The following MARCHF1 variants were observed in gnomAD, a reference collection of about 807,000 sequenced individuals.
MARCHF1 encodes the protein E3 ubiquitin-protein ligase MARCHF1.
Under a neutral mutation model 54.2 loss-of-function variants are expected in MARCHF1, and 40 were observed. That is an observed-to-expected ratio of 0.74 (90% CI 0.57 to 0.96). The LOEUF is 0.96. Among genes scored for constraint, MARCHF1 ranks in the 40% least tolerant of loss-of-function variants. The pLI, the probability that MARCHF1 is intolerant of heterozygous loss-of-function variation, is 0.00. For synonymous variants in MARCHF1, 236 were observed against 236.3 expected (o/e 1.00, Z 0.01); for missense variants, 586 against 656.5 (o/e 0.89, Z 1.17).
At chr4:164,350,744 T>C (rs1730268361) in intron 1 of MARCHF1, among the ~76,000 whole-genome samples, 1 of 152,246 alleles carries the variant, frequency 6.6e-6, no homozygotes, top group Non-Finnish European at 1.5e-5. Context: ...TTCAATAGTA[T>C]TGTTGGGAGG....
intron 1 of MARCHF1, among the ~76,000 whole-genome samples, chr4:164,223,888 C>G (rs764861019): frequency 1.3e-5 from 2 of 150,504 alleles, no homozygotes; most frequent in Admixed American, 6.7e-5. Context: ...TTCTAAAAAC[C>G]TATTTAAATT....
At chr4:163,641,964 C>T (rs1364138212) in intron 5 of MARCHF1, among the ~76,000 whole-genome samples, 8 of 152,044 alleles carry the variant, frequency 5.3e-5, no homozygotes, top group South Asian at 2.1e-4. Context: ...CCAGTGGAGA[C>T]GTTGTGTTAC....
intron 5 of MARCHF1, among the ~76,000 whole-genome samples, chr4:163,650,753 A>G (rs1200207545): frequency 6.6e-6 from 1 of 151,906 alleles, no homozygotes; most frequent in Non-Finnish European, 1.5e-5. Flanking sequence ...TAAGCTTACC[A>G]TGTGTATTCG....
intron 1 of MARCHF1, among the ~76,000 whole-genome samples, chr4:164,182,921 TAG>T (rs1192979292): frequency 6.6e-6 from 1 of 152,034 alleles, no homozygotes; most frequent in African/African-American, 2.4e-5. Flanking sequence ...TGTCAAATGA[TAG>T]AGTCTCAGAA....
intron 1 of MARCHF1, among the ~76,000 whole-genome samples, chr4:164,205,956 A>G (rs890359795): frequency 2.0e-5 from 3 of 152,312 alleles, no homozygotes; most frequent in East Asian, 1.9e-4. Context: ...ACCATTAATA[A>G]TAGGCTCAGC....
chr4:163,905,634 A>C (rs557253910), intron 3 of MARCHF1, among the ~76,000 whole-genome samples: 1 of 152,084 alleles, frequency 6.6e-6, no homozygotes, highest in Non-Finnish European at 1.5e-5. Flanking sequence ...ATTGCTCTGG[A>C]GGTCCTTTGA....
At chr4:164,269,932 C>T (rs971638077) in intron 1 of MARCHF1, among the ~76,000 whole-genome samples, 7 of 152,162 alleles carry the variant, frequency 4.6e-5, no homozygotes, top group Non-Finnish European at 7.4e-5. Context: ...CCCTCTGCTT[C>T]TGCCATGAGC....
intron 3 of MARCHF1, among the ~76,000 whole-genome samples, chr4:163,914,581 A>G (rs953814483): frequency 6.6e-6 from 1 of 152,176 alleles, no homozygotes; most frequent in Non-Finnish European, 1.5e-5. Flanking sequence ...TAAATATATC[A>G]GATGGCTAGT....
chr4:163,888,542 A>G (rs930750227), intron 3 of MARCHF1, among the ~76,000 whole-genome samples: 3 of 152,186 alleles, frequency 2.0e-5, no homozygotes, highest in African/African-American at 7.2e-5. Flanking sequence ...TCTTTAGCAA[A>G]AGAAAATACT....
At chr4:164,324,759 C>G (rs1434077134) in intron 1 of MARCHF1, among the ~76,000 whole-genome samples, 3 of 151,056 alleles carry the variant, frequency 2.0e-5, no homozygotes, top group Admixed American at 2.0e-4. Context: ...ATAAATTTAA[C>G]AAGAAAGTTT....
At chr4:164,242,630 ATGACTT>A in intron 1 of MARCHF1, among the ~76,000 whole-genome samples, 1 of 151,906 alleles carries the variant, frequency 6.6e-6, no homozygotes, top group East Asian at 1.9e-4. Context: ...TGGATGGAGA[ATGACTT>A]TGATGAGCTG....
At chr4:164,219,614 G>A (rs753899442) in intron 1 of MARCHF1, among the ~76,000 whole-genome samples, 2 of 151,740 alleles carry the variant, frequency 1.3e-5, no homozygotes, top group Non-Finnish European at 2.9e-5. Context: ...GTAGAAGAGT[G>A]TATCTAGTTA....
At chr4:164,338,556 T>C (rs1026183439) in intron 1 of MARCHF1, among the ~76,000 whole-genome samples, 1 of 151,892 alleles carries the variant, frequency 6.6e-6, no homozygotes, top group Non-Finnish European at 1.5e-5. Flanking sequence ...AAACATAAAG[T>C]GAAGCAATGA....
intron 1 of MARCHF1, among the ~76,000 whole-genome samples, chr4:164,150,060 G>C (rs1223717218): frequency 6.6e-6 from 1 of 152,082 alleles, no homozygotes; most frequent in Non-Finnish European, 1.5e-5. Context: ...TGATGGAACA[G>C]TTACTGCCAA....
At chr4:163,534,115 C>T (rs145261572) in intron 9 of MARCHF1, among the ~76,000 whole-genome samples, 330 of 152,026 alleles carry the variant, frequency 2.2e-3, no homozygotes, top group Admixed American at 4.5e-3. Flanking sequence ...TTTAGAGTGC[C>T]GCGCTCTTTA....
At chr4:163,993,991 T>C (rs1040889104) in intron 2 of MARCHF1, among the ~76,000 whole-genome samples, 1 of 152,144 alleles carries the variant, frequency 6.6e-6, no homozygotes, top group African/African-American at 2.4e-5. Flanking sequence ...TCAGTCTTAC[T>C]CTCCAAGTAA....
intron 5 of MARCHF1, among the ~76,000 whole-genome samples, chr4:163,628,403 T>A (rs1741948703): frequency 6.6e-6 from 1 of 151,420 alleles, no homozygotes; most frequent in South Asian, 2.1e-4. Flanking sequence ...TATCTCAAAA[T>A]AATAAGGGCT....
At chr4:163,639,093 A>G (rs1027900955) in intron 5 of MARCHF1, among the ~76,000 whole-genome samples, 1 of 152,170 alleles carries the variant, frequency 6.6e-6, no homozygotes, top group Non-Finnish European at 1.5e-5. Context: ...CAGGAGGAAA[A>G]GAGTGCTGGA....
chr4:163,577,857 G>T (rs1179303350), intron 8 of MARCHF1, among the ~76,000 whole-genome samples: 2 of 151,542 alleles, frequency 1.3e-5, no homozygotes, highest in African/African-American at 4.8e-5. Flanking sequence ...TCTTTCTTCT[G>T]CTTGGTTATT....
Sources: allele counts gnomAD v4.1 joint callset (sites outside exome capture counted in the v4.1 genomes callset), GRCh38; gene constraint gnomAD v4.1.1; transcripts MANE v1.5; gene names NCBI Gene and HGNC (gene_info 2026-07-23, HGNC 2026-07-21).